The following NAALADL2 variants were observed in gnomAD, a reference collection of about 807,000 sequenced individuals.
NAALADL2 encodes the protein N-acetylated alpha-linked acidic dipeptidase like 2, also known as inactive N-acetylated-alpha-linked acidic dipeptidase-like protein 2.
A neutral mutation model predicts 87.2 loss-of-function variants in NAALADL2; 76 were observed. The observed-to-expected ratio is 0.87, with a 90% CI of 0.72 to 1.05. The LOEUF is 1.05. Ranked by LOEUF, NAALADL2 falls within the 50% of genes least tolerant of loss-of-function variation. NAALADL2 has a pLI of 0.00. For synonymous variants in NAALADL2, 354 were observed against 331.0 expected (o/e 1.07, Z -0.75); for missense variants, 1,089 against 945.8 (o/e 1.15, Z -1.99).
At chr3:174,802,381 G>A (rs1029727958) in intron 3 of NAALADL2, among the ~76,000 whole-genome samples, 2 of 152,094 alleles carry the variant, frequency 1.3e-5, no homozygotes, top group Admixed American at 6.6e-5. Context: ...AGAAATATAG[G>A]AGAGGAAGTA....
intron 3 of NAALADL2, among the ~76,000 whole-genome samples, chr3:174,756,768 C>T (rs1343350252): frequency 1.2e-4 from 18 of 152,154 alleles, no homozygotes; most frequent in Admixed American, 8.5e-4. Context: ...TTCCTGATCT[C>T]GCAGCCACAG....
chr3:175,095,159 T>G (rs891735161), intron 1 of NAALADL2, among the ~76,000 whole-genome samples: 2 of 152,012 alleles, frequency 1.3e-5, no homozygotes, highest in Non-Finnish European at 2.9e-5. Flanking sequence ...TCTTATTCTC[T>G]CTTTGTGTTT....
At position 174,471,998 on chromosome 3, in the gene NAALADL2, G is replaced by A. The variant is rs140413833; in HGVS notation, c.-184+30966G>A. The stretch of plus-strand genomic sequence containing the variant: ...TAAATAATAATTTTTAAAAGAATGT[G>A]TTCTACAGATTTTCTAGGAAATTAC... On this transcript the variant is annotated intron_variant, in intron 1 of 3. Coordinates refer to the NAALADL2 transcript ENST00000434257. Among the ~76,000 whole-genome samples the A allele has an allele frequency of 5.3e-5, 8 of 152,122 alleles. No homozygotes were observed. In the East Asian group the frequency reaches 1.4e-3, roughly 26 times the overall value.
intron 2 of NAALADL2, among the ~76,000 whole-genome samples, chr3:175,194,523 T>C (rs1260579571): frequency 6.6e-6 from 1 of 151,882 alleles, no homozygotes; most frequent in African/African-American, 2.4e-5. Flanking sequence ...AACATAGATA[T>C]AATGTAGTAA....
Position 174,446,679 on chromosome 3 carries a change from G to A in NAALADL2, c.-184+5647G>A, listed in dbSNP as rs188217633. ...CAGTTCTAACAAGCCCTGTATCCTA[G>A]TCTCCACCTGGGGGCAGGGGGATTC... is the stretch of plus-strand genomic sequence containing the variant. On this transcript the variant is annotated intron_variant, in intron 1 of 3. Transcript: ENST00000434257. 1.8e-4 allele frequency among the ~76,000 whole-genome samples: 27 copies of A among 152,214 alleles called. No homozygotes were observed. The East Asian group carries it at 4.3e-3, about 24-fold the overall frequency.
At position 174,853,201 on chromosome 3, in the gene NAALADL2, CAA is replaced by C. The variant is rs34303846; in HGVS notation, c.-9+115481_-9+115482del. On this transcript the variant is annotated intron_variant, in intron 3 of 3. Coordinates refer to the NAALADL2 transcript ENST00000434257. ...CAACATGGTGAAACCCCGTCTCTAC[CAA>C]AAAAAAAAAAAAAAAAAAAAAAAAA... Among the ~76,000 whole-genome samples, 170 of 45,610 alleles carry C rather than the reference CAA, an allele frequency of 3.7e-3. 1 individual carries two copies. The highest frequency in any genetic ancestry group is 0.014 in the African/African-American group (160 of 11,246). The allele number at this position is 45,610 out of a possible 152,430, so 29.9% of individuals were successfully genotyped here. A position where few individuals can be genotyped will look rare whatever the true frequency, so the allele number is the denominator to read the frequency against.
intron 2 of NAALADL2, among the ~76,000 whole-genome samples, chr3:174,693,522 C>T (rs8180018): frequency 0.15 from 22,211 of 151,988 alleles, 2,719 homozygotes; most frequent in East Asian, 0.37. Context: ...TGTTTCTTCC[C>T]GGCAAAAAAT....
intron 6 of NAALADL2, among the ~76,000 whole-genome samples, chr3:175,451,588 G>T (rs956311211): frequency 1.3e-5 from 2 of 151,906 alleles, no homozygotes; most frequent in Non-Finnish European, 2.9e-5. Context: ...AAGGGAAGAA[G>T]AAATTTTAAA....
At chr3:174,828,337 A>T (rs374878451) in intron 3 of NAALADL2, among the ~76,000 whole-genome samples, 1 of 152,320 alleles carries the variant, frequency 6.6e-6, no homozygotes, top group South Asian at 2.1e-4. Context: ...CATTGGTCCT[A>T]TGAAGGTGTC....
Position 175,097,052 on chromosome 3 carries a change from A to T in NAALADL2, c.306A>T (p.Glu102Asp). Residue 102 changes from glutamate (E) to aspartate (D), a missense_variant, in exon 2 of 14, where the codon GAA (glutamate) becomes GAT (aspartate). Glu to Asp is a conservative substitution (Grantham distance 45, BLOSUM62 2). Coordinates refer to ENST00000454872, the MANE Select transcript of NAALADL2 (RefSeq NM_207015.3). ...AAGGAAGGTTCCAGAGACTTCAAGA[A>T]GAATCTGACTACATTACCCATTATA... The part of the protein sequence containing the change: ...SPKGRFQRLQ[E>D]ESDYITHYTR... 1 of 1,613,692 alleles carries T rather than the reference A, an allele frequency of 6.2e-7. No homozygotes were observed. The highest frequency in any genetic ancestry group is 2.2e-5 in the East Asian group (1 of 44,882).
intron 3 of NAALADL2, among the ~76,000 whole-genome samples, chr3:175,243,335 C>A (rs1213291559): frequency 1.3e-5 from 2 of 151,300 alleles, no homozygotes; most frequent in African/African-American, 4.9e-5. Flanking sequence ...CACACACACA[C>A]ACACACACAC....
intron 3 of NAALADL2, among the ~76,000 whole-genome samples, chr3:174,738,728 A>T (rs1278669638): frequency 6.6e-6 from 1 of 152,224 alleles, no homozygotes; most frequent in Non-Finnish European, 1.5e-5. Flanking sequence ...GTTACTATGT[A>T]AACACTTATT....
At chr3:175,593,394 G>A (rs1037667846) in intron 10 of NAALADL2, among the ~76,000 whole-genome samples, 4 of 152,066 alleles carry the variant, frequency 2.6e-5, no homozygotes, top group Admixed American at 2.6e-4. Context: ...AAGCATATTT[G>A]TATGGCACAT....
At chr3:175,674,734 T>C (rs1030584429) in intron 11 of NAALADL2, among the ~76,000 whole-genome samples, 1 of 152,192 alleles carries the variant, frequency 6.6e-6, no homozygotes, top group Non-Finnish European at 1.5e-5. Context: ...TTACATGATG[T>C]CATATTTGTA....
intron 1 of NAALADL2, chr3:175,059,325 T>C (rs977636054): frequency 7.2e-5 from 11 of 152,174 alleles, no homozygotes; most frequent in Admixed American, 4.6e-4. Flanking sequence ...TTTCAAGTTT[T>C]AATTTTAAGT....
chr3:175,222,106 C>A (rs565803195), intron 2 of NAALADL2, among the ~76,000 whole-genome samples: 1 of 152,118 alleles, frequency 6.6e-6, no homozygotes, highest in African/African-American at 2.4e-5. Context: ...AATAGGTATC[C>A]CATGGCAAAG....
chr3:175,403,263 A>G (rs1368239320), intron 5 of NAALADL2, among the ~76,000 whole-genome samples: 2 of 151,934 alleles, frequency 1.3e-5, no homozygotes, highest in Non-Finnish European at 2.9e-5. Context: ...GACCTTTCAC[A>G]ATTTCAGAGT....
intron 2 of NAALADL2, among the ~76,000 whole-genome samples, chr3:174,594,825 G>A (rs1401436507): frequency 6.6e-6 from 1 of 152,180 alleles, no homozygotes. Context: ...TTTTAGAGTT[G>A]ATATATCTGA....
chr3:175,595,780 G>A (rs1375994765), intron 10 of NAALADL2, among the ~76,000 whole-genome samples: 1 of 151,896 alleles, frequency 6.6e-6, no homozygotes, highest in African/African-American at 2.4e-5. Context: ...CTCATGATTT[G>A]GAAGAATCCA....
Sources: allele counts gnomAD v4.1 joint callset (sites outside exome capture counted in the v4.1 genomes callset), GRCh38; gene constraint gnomAD v4.1.1; transcripts MANE v1.5; gene names NCBI Gene and HGNC (gene_info 2026-07-23, HGNC 2026-07-21).